MYO1D: variants seen among roughly 807,000 people sequenced by gnomAD.
MYO1D encodes the protein unconventional myosin-Id.
MYO1D carries 83 observed loss-of-function variants against 122.0 expected under a neutral mutation model. The ratio of observed to expected loss-of-function variants is 0.68; its 90% confidence interval spans 0.57 to 0.82. The LOEUF (loss-of-function observed/expected upper bound fraction) is 0.82. Among genes scored for constraint, MYO1D ranks in the 40% least tolerant of loss-of-function variants. The pLI, the probability that MYO1D is intolerant of heterozygous loss-of-function variation, is 0.00. For synonymous variants in MYO1D, 464 were observed against 446.9 expected (o/e 1.04, Z -0.48); for missense variants, 1,157 against 1,269.5 (o/e 0.91, Z 1.35).
chr17:32,569,631 C>T (rs1377402190), intron 21 of MYO1D, among the ~76,000 whole-genome samples: 1 of 152,176 alleles, frequency 6.6e-6, no homozygotes, highest in East Asian at 1.9e-4. Flanking sequence ...CTCCATAATG[C>T]CTTTTCTCTC....
At position 32,876,916 on chromosome 17, in the gene MYO1D, G is replaced by GCCCACGGA; in HGVS notation, c.-45_-44insTCCGTGGG. The GCCCACGGA allele has an allele frequency of 7.6e-7, 1 of 1,313,754 alleles. No individual in the cohort carries two copies. The highest frequency in any genetic ancestry group is 1.0e-6 in the Non-Finnish European group (1 of 991,756). 81.4% of individuals were successfully genotyped at this position (1,313,754 alleles called of 1,614,324 possible). On this transcript the variant is annotated 5_prime_UTR_variant, in exon 1 of 22. Transcript: ENST00000318217. ...CAGGTGGGCGCGCTCGGGCCTCCGG[G>GCCCACGGA]GCCGCTCCGTGGGCCCGCGATGAGC...
In MYO1D at chr17:32,593,702, T is replaced by C. The variant is rs188506776; in HGVS notation, c.2864+11385A>G. 5.8e-4 allele frequency among the ~76,000 whole-genome samples: 89 copies of C among 152,216 alleles called. No homozygotes were observed. In the East Asian group the frequency reaches 0.015, roughly 26 times the overall value. On this transcript the variant is annotated intron_variant, in intron 21 of 21. Transcript: ENST00000318217. ...CCTGTAATCCCAGCACTTTGGGAAG[T>C]TGAGGCGGGAGGATCATGAGGTCAG...
intron 11 of MYO1D, among the ~76,000 whole-genome samples, chr17:32,750,443 C>T (rs1177086529): frequency 1.3e-5 from 2 of 151,816 alleles, no homozygotes; most frequent in Non-Finnish European, 2.9e-5. Context: ...GAAACCCTGT[C>T]TCTATGAAAA....
intron 21 of MYO1D, among the ~76,000 whole-genome samples, chr17:32,543,295 G>A (rs376028856): frequency 2.8e-4 from 42 of 151,572 alleles, no homozygotes; most frequent in African/African-American, 9.0e-4. Flanking sequence ...TGTGAGGGCC[G>A]GCTGGGTGTG....
chr17:32,735,842 C>T (rs2089695260), intron 14 of MYO1D, among the ~76,000 whole-genome samples: 1 of 152,026 alleles, frequency 6.6e-6, no homozygotes, highest in Admixed American at 6.6e-5. Flanking sequence ...TGTTCTTTCA[C>T]ATGAATGTTG....
At chr17:32,617,827 T>C (rs2087794882) in intron 20 of MYO1D, among the ~76,000 whole-genome samples, 1 of 152,204 alleles carries the variant, frequency 6.6e-6, no homozygotes, top group South Asian at 2.1e-4. Flanking sequence ...AAAGAATACA[T>C]TGTTTGGGAT....
At chr17:32,532,621 G>A (rs568358606) in intron 21 of MYO1D, among the ~76,000 whole-genome samples, 2 of 151,738 alleles carry the variant, frequency 1.3e-5, no homozygotes, top group South Asian at 2.1e-4. Flanking sequence ...AGCTACTCGG[G>A]AGGCTGAGGC....
At chr17:32,632,719 T>A (rs1236999269) in intron 20 of MYO1D, among the ~76,000 whole-genome samples, 1 of 151,848 alleles carries the variant, frequency 6.6e-6, no homozygotes, top group Non-Finnish European at 1.5e-5. Context: ...CTTCATATGG[T>A]TGTGGCAAAT....
intron 1 of MYO1D, among the ~76,000 whole-genome samples, chr17:32,820,761 GACT>G (rs1320981491): frequency 2.6e-5 from 4 of 152,198 alleles, no homozygotes; most frequent in African/African-American, 9.6e-5. Context: ...ATAAGGTGAT[GACT>G]ACGTTAATTA....
intron 1 of MYO1D, among the ~76,000 whole-genome samples, chr17:32,851,359 T>C (rs2151081634): frequency 6.6e-6 from 1 of 152,288 alleles, no homozygotes; most frequent in Middle Eastern, 3.4e-3. Flanking sequence ...CTCTCTCACT[T>C]CCTCAAGCAT....
chr17:32,612,335 C>T (rs909451847), intron 20 of MYO1D, among the ~76,000 whole-genome samples: 2 of 152,008 alleles, frequency 1.3e-5, no homozygotes, highest in Admixed American at 6.5e-5. Context: ...CAGGCAAAAC[C>T]GCAAATATTT....
intron 1 of MYO1D, among the ~76,000 whole-genome samples, chr17:32,870,866 T>C (rs534586421): frequency 6.6e-6 from 1 of 152,354 alleles, no homozygotes; most frequent in African/African-American, 2.4e-5. Context: ...CCAAGCATTA[T>C]GAGGTTCAAA....
intron 21 of MYO1D, among the ~76,000 whole-genome samples, chr17:32,509,124 C>T (rs542387303): frequency 9.9e-5 from 15 of 152,284 alleles, no homozygotes; most frequent in South Asian, 2.1e-4. Flanking sequence ...GCGGAGCCAT[C>T]GGTGGGCTGG....
At chr17:32,764,147 T>C (rs2090030207) in intron 8 of MYO1D, among the ~76,000 whole-genome samples, 1 of 152,158 alleles carries the variant, frequency 6.6e-6, no homozygotes, top group Admixed American at 6.5e-5. Context: ...GAGGACATTA[T>C]GCTAAGTGAA....
At chr17:32,583,508 T>C (rs1042962035) in intron 21 of MYO1D, among the ~76,000 whole-genome samples, 2 of 152,198 alleles carry the variant, frequency 1.3e-5, no homozygotes, top group African/African-American at 2.4e-5. Context: ...TAGTCCTTTA[T>C]ATATAGGCCA....
chr17:32,793,946 T>C (rs964392087), intron 1 of MYO1D, among the ~76,000 whole-genome samples: 2 of 152,158 alleles, frequency 1.3e-5, no homozygotes, highest in African/African-American at 4.8e-5. Flanking sequence ...TAATACCAAG[T>C]CGTATTTTTA....
At chr17:32,698,664 C>T (rs889740134) in intron 16 of MYO1D, among the ~76,000 whole-genome samples, 3 of 151,958 alleles carry the variant, frequency 2.0e-5, no homozygotes, top group African/African-American at 7.2e-5. Context: ...AATTATCGTA[C>T]TCACTGAAAA....
chr17:32,683,971 C>G (rs1270619005), intron 16 of MYO1D, among the ~76,000 whole-genome samples: 1 of 152,202 alleles, frequency 6.6e-6, no homozygotes, highest in Non-Finnish European at 1.5e-5. Context: ...TTAAGCCGGC[C>G]TGAAAAGCGC....
At chr17:32,581,856 C>T (rs984804024) in intron 21 of MYO1D, among the ~76,000 whole-genome samples, 4 of 152,016 alleles carry the variant, frequency 2.6e-5, no homozygotes, top group Non-Finnish European at 4.4e-5. Flanking sequence ...ACCTCTGCTC[C>T]GAGGTTCAAG....
Sources: allele counts gnomAD v4.1 joint callset (sites outside exome capture counted in the v4.1 genomes callset), GRCh38; gene constraint gnomAD v4.1.1; transcripts MANE v1.5; gene names NCBI Gene and HGNC (gene_info 2026-07-23, HGNC 2026-07-21).